BANF2: variants seen among roughly 807,000 people sequenced by gnomAD.
BANF2 encodes the protein BANF family member 2, also known as barrier-to-autointegration factor-like protein.
A neutral mutation model predicts 8.0 loss-of-function variants in BANF2; 4 were observed. That is an observed-to-expected ratio of 0.50 (90% confidence interval 0.25 to 1.14). BANF2 has a LOEUF of 1.14. Among genes scored for constraint, BANF2 ranks in the 50% most tolerant of loss-of-function variants. The probability of loss-of-function intolerance (pLI) is 0.16; values close to 1 mark genes in which losing one functional copy is unlikely to be tolerated. For missense variants in BANF2, 96 were observed against 107.5 expected (o/e 0.89, Z 0.47); for synonymous variants, 50 against 40.6 (o/e 1.23, Z -0.88).
chr20:17,693,752 C>T (rs967749006), intron 1 of BANF2: 30 of 1,548,454 alleles, frequency 1.9e-5, no homozygotes, highest in Admixed American at 1.8e-4. Flanking sequence ...GGGGAAGAGA[C>T]GGCGGGGAAA....
intron 1 of BANF2, among the ~76,000 whole-genome samples, chr20:17,713,800 A>C (rs186909951): frequency 2.0e-5 from 3 of 152,272 alleles, no homozygotes; most frequent in East Asian, 3.9e-4. Flanking sequence ...AGGCCACTGC[A>C]CTCCAGCCTG....
intron 1 of BANF2, among the ~76,000 whole-genome samples, chr20:17,715,452 A>G (rs1461034809): frequency 6.6e-6 from 1 of 152,252 alleles, no homozygotes. Context: ...CCATCAAGAT[A>G]AGGATGTATA....
rs146764041 is a variant in BANF2, at chr20:17,725,175, C to T, written c.126+24C>T. On this transcript the variant is annotated intron_variant, in intron 3 of 3. Transcript: ENST00000246090. ...AGGTAATTCATATTTTCTTACTTCT[C>T]TGACTTCTCTTCCCTACCTTTCTTC... 119 of 1,600,516 alleles carry T rather than the reference C, an allele frequency of 7.4e-5. No individual in the cohort carries two copies. The African/African-American group carries it at 1.3e-3, about 17-fold the overall frequency.
intron 3 of BANF2, among the ~76,000 whole-genome samples, chr20:17,727,778 T>G (rs2037829865): frequency 6.6e-6 from 1 of 152,174 alleles, no homozygotes; most frequent in African/African-American, 2.4e-5. Context: ...ACAGTCTCAT[T>G]GTATTGCGCA....
intron 1 of BANF2, among the ~76,000 whole-genome samples, chr20:17,705,593 G>C (rs1355560123): frequency 6.6e-6 from 1 of 152,174 alleles, no homozygotes; most frequent in East Asian, 1.9e-4. Flanking sequence ...AGCTTTACAG[G>C]ACTTTTCAAA....
chr20:17,730,640 G>A (rs1307166090), intron 3 of BANF2, among the ~76,000 whole-genome samples: 4 of 152,260 alleles, frequency 2.6e-5, no homozygotes, highest in South Asian at 2.1e-4. Context: ...CCGTTACTTC[G>A]TGGCCACTGG....
In BANF2 at chr20:17,705,829, T is replaced by C. The variant is rs114424893; in HGVS notation, c.-167+5774T>C. Among the ~76,000 whole-genome samples the C allele has an allele frequency of 5.3e-3, 814 of 152,350 alleles. 10 individuals carry two copies. Among genetic ancestry groups the C allele is most frequent in the African/African-American group, 0.018 (763 of 41,576 alleles). On this transcript the variant is annotated intron_variant, in intron 1 of 3. Coordinates refer to ENST00000246090, the MANE Select transcript of BANF2 (RefSeq NM_178477.5). ...ACTTCATGCTGTGCAGAAGCATCTC[T>C]TTGTACCTCAGGGCAGCCCTGTCCT...
chr20:17,733,007 C>T (rs926552413), intron 3 of BANF2, among the ~76,000 whole-genome samples: 3 of 152,126 alleles, frequency 2.0e-5, no homozygotes, highest in Non-Finnish European at 4.4e-5. Flanking sequence ...GAAGATGCCA[C>T]AGGGAGACAG....
At chr20:17,705,821 A>G (rs1026477998) in intron 1 of BANF2, among the ~76,000 whole-genome samples, 1 of 152,236 alleles carries the variant, frequency 6.6e-6, no homozygotes, top group African/African-American at 2.4e-5. Flanking sequence ...GCTGTGCAGA[A>G]GCATCTCTTT....
intron 1 of BANF2, among the ~76,000 whole-genome samples, chr20:17,706,251 G>A (rs1057459628): frequency 6.6e-6 from 1 of 152,176 alleles, no homozygotes; most frequent in Non-Finnish European, 1.5e-5. Flanking sequence ...GGGGTGTGCT[G>A]ACGTGAGGGT....
At chr20:17,722,236 G>C (rs888276167) in intron 1 of BANF2, among the ~76,000 whole-genome samples, 4 of 152,250 alleles carry the variant, frequency 2.6e-5, no homozygotes, top group African/African-American at 9.7e-5. Flanking sequence ...AGGTGTGTGA[G>C]AAAAGCAAAC....
At chr20:17,705,077 C>T (rs563346136) in intron 1 of BANF2, among the ~76,000 whole-genome samples, 1 of 129,320 alleles carries the variant, frequency 7.7e-6, no homozygotes, top group East Asian at 2.0e-4. Context: ...TGTGTTGTTA[C>T]CTCACTGGCC....
At chr20:17,715,100 T>C (rs2037631482) in intron 1 of BANF2, among the ~76,000 whole-genome samples, 1 of 152,196 alleles carries the variant, frequency 6.6e-6, no homozygotes, top group Non-Finnish European at 1.5e-5. Context: ...CTGCTGGTCA[T>C]TGGTGGAGCT....
At chr20:17,728,761 G>T (rs1324534676) in intron 3 of BANF2, among the ~76,000 whole-genome samples, 1 of 152,134 alleles carries the variant, frequency 6.6e-6, no homozygotes, top group Non-Finnish European at 1.5e-5. Flanking sequence ...TGGGTGTTTT[G>T]TATCTGCCCT....
chr20:17,712,631 C>G (rs1271438230), intron 1 of BANF2: 2 of 757,620 alleles, frequency 2.6e-6, no homozygotes, highest in Admixed American at 1.3e-4. Context: ...ATGAGGTGAG[C>G]CTTCTTCCTC....
In BANF2 at chr20:17,725,969, G is replaced by A. The variant is rs2037803639; in HGVS notation, c.126+818G>A. On this transcript the variant is annotated intron_variant, in intron 3 of 3. Transcript: ENST00000246090. ...TTGCATCTACATCTGAACCATGAGA[G>A]CCATGGTTTTCTGATTACCCCATTG... is the stretch of plus-strand genomic sequence containing the variant. Among the ~76,000 whole-genome samples, 3 of 152,114 alleles carry A rather than the reference G, an allele frequency of 2.0e-5. No homozygotes were observed. The South Asian group carries it at 6.2e-4, about 32-fold the overall frequency.
Position 17,735,624 on chromosome 20 carries a change from T to C in BANF2, c.127-41T>C, listed in dbSNP as rs1233611476. Reference sequence around the variant, plus strand: ...AGAGCGCGTCTGAGCTGGCTTATGATAACCTTTCCTGCTTTCCTCCCTGTC... The same window carrying C: ...AGAGCGCGTCTGAGCTGGCTTATGACAACCTTTCCTGCTTTCCTCCCTGTC... On this transcript the variant is annotated intron_variant, in intron 3 of 3. Transcript: ENST00000246090. 10 of 1,599,420 alleles carry C rather than the reference T, an allele frequency of 6.3e-6. No homozygotes were observed. The African/African-American group carries it at 8.0e-5, about 13-fold the overall frequency.
At chr20:17,730,756 C>G (rs1043299132) in intron 3 of BANF2, among the ~76,000 whole-genome samples, 7 of 152,244 alleles carry the variant, frequency 4.6e-5, no homozygotes, top group Non-Finnish European at 1.0e-4. Context: ...AAGGCTCCAA[C>G]TCCTTTCTGT....
chr20:17,695,469 A>AG (rs1555821672), upstream of BANF2, among the ~76,000 whole-genome samples: 2 of 146,346 alleles, frequency 1.4e-5, no homozygotes, highest in African/African-American at 2.5e-5. Context: ...AAAAAAAAAA[A>AG]GTAGAGTCGC....
Sources: allele counts gnomAD v4.1 joint callset (sites outside exome capture counted in the v4.1 genomes callset), GRCh38; gene constraint gnomAD v4.1.1; transcripts MANE v1.5; gene names NCBI Gene and HGNC (gene_info 2026-07-23, HGNC 2026-07-21).